Variants in PCDHA1 observed in about 807,000 individuals in gnomAD.
PCDHA1 encodes the protein protocadherin alpha 1.
A neutral mutation model predicts 61.3 loss-of-function variants in PCDHA1; 42 were observed. The observed-to-expected ratio is 0.69, with a 90% confidence interval of 0.54 to 0.89. PCDHA1 has a LOEUF of 0.89. PCDHA1 is among the 40% of genes least tolerant of loss of function. The pLI, the probability that PCDHA1 is intolerant of heterozygous loss-of-function variation, is 0.00. For synonymous variants in PCDHA1, 610 were observed against 553.8 expected, an observed-to-expected ratio of 1.10 and a Z score of -1.43; for missense variants, 1,256 against 1,235.3, an observed-to-expected ratio of 1.02 and a Z score of -0.25.
At chr5:140,893,088 T>C (rs1340937679) in intron 1 of PCDHA1, among the ~76,000 whole-genome samples, 2 of 152,372 alleles carry the variant, frequency 1.3e-5, no homozygotes, top group African/African-American at 4.8e-5. Flanking sequence ...CATTCTTTTT[T>C]ATGGCTGGAT....
chr5:140,865,412 A>C (rs1347341740), intron 1 of PCDHA1: 2 of 152,242 alleles, frequency 1.3e-5, no homozygotes, highest in Non-Finnish European at 2.9e-5. Context: ...AAAAGGAATT[A>C]GTAGTGTCTA....
chr5:140,858,149 G>T, intron 1 of PCDHA1: 1 of 1,597,572 alleles, frequency 6.3e-7, no homozygotes, highest in Non-Finnish European at 8.6e-7. Flanking sequence ...CCTGATCATC[G>T]CCATCTGCGC....
chr5:140,796,634 A>G, intron 1 of PCDHA1: 1 of 1,613,762 alleles, frequency 6.2e-7, no homozygotes, highest in Non-Finnish European at 8.5e-7. Context: ...TTCGTGCTGG[A>G]CGAGAACGAC....
Position 140,968,070 on chromosome 5 carries a change from A to G in PCDHA1, c.2395-10879A>G, listed in dbSNP as rs377189542. On this transcript the variant is annotated intron_variant, in intron 1 of 3. Transcript: ENST00000504120. The stretch of plus-strand genomic sequence containing the variant: ...CTGGACCGAGAGCGGGTGGCTGTCT[A>G]CAACATCACGGTGACAGCCACAGAT... 3.5e-5 allele frequency: 57 copies of G among 1,614,034 alleles called. No homozygotes were observed. The highest frequency in any genetic ancestry group is 1.6e-4 in the Middle Eastern group (1 of 6,082).
At chr5:140,796,909 G>T (rs782163071) in intron 1 of PCDHA1, 3 of 1,613,930 alleles carry the variant, frequency 1.9e-6, no homozygotes, top group Admixed American at 3.3e-5. Context: ...CCGCCTACTC[G>T]TGCTGGTGAA....
intron 1 of PCDHA1, chr5:140,927,303 G>T: frequency 6.2e-7 from 1 of 1,614,150 alleles, no homozygotes. Flanking sequence ...CCGAGTTCCT[G>T]ACGCCCGGAG....
At chr5:140,859,474 T>A (rs1282422046) in intron 1 of PCDHA1, 1 of 210,268 alleles carries the variant, frequency 4.8e-6, no homozygotes, top group East Asian at 1.7e-4. Flanking sequence ...CTATCAATTG[T>A]GTTTTCCTGA....
At position 140,852,588 on chromosome 5, in the gene PCDHA1, T is replaced by G. The variant is rs2150519378; in HGVS notation, c.2394+63904T>G. 150 of 881,406 alleles carry G rather than the reference T, an allele frequency of 1.7e-4. 16 individuals are homozygous for G. The highest frequency in any genetic ancestry group is 2.0e-4 in the Non-Finnish European group (145 of 723,694). 54.6% of individuals were successfully genotyped at this position (881,406 alleles called of 1,614,324 possible). A position where few individuals can be genotyped will look rare whatever the true frequency, so the allele number is the denominator to read the frequency against. On this transcript the variant is annotated intron_variant, in intron 1 of 3. Transcript: ENST00000504120. ...ACTGTGCCAAGGCTTTTTTATTTTT[T>G]TTTTTTGTCATTTTCTTTCAAAACT...
At chr5:141,002,474 C>T (rs141241701) in intron 3 of PCDHA1, among the ~76,000 whole-genome samples, 65 of 152,334 alleles carry the variant, frequency 4.3e-4, no homozygotes, top group African/African-American at 1.3e-3. Flanking sequence ...TTAGCATTTT[C>T]AAAGGATGAC....
chr5:140,804,302 C>T (rs1217838425), intron 1 of PCDHA1: 6 of 151,992 alleles, frequency 3.9e-5, no homozygotes, highest in African/African-American at 7.2e-5. Flanking sequence ...TAGTTTATCA[C>T]TACTTTATTT....
At chr5:140,839,135 A>C (rs1378372841) in intron 1 of PCDHA1, among the ~76,000 whole-genome samples, 3 of 148,212 alleles carry the variant, frequency 2.0e-5, no homozygotes, top group African/African-American at 5.1e-5. Flanking sequence ...CATTCACATA[A>C]GCAGACCAAG....
chr5:140,793,307 A>T (rs1015059410), intron 1 of PCDHA1, among the ~76,000 whole-genome samples: 1 of 152,256 alleles, frequency 6.6e-6, no homozygotes, highest in African/African-American at 2.4e-5. Flanking sequence ...GTCTGAAACC[A>T]GTAATTAATT....
At chr5:140,912,578 A>G (rs2075983045) in intron 1 of PCDHA1, among the ~76,000 whole-genome samples, 1 of 152,052 alleles carries the variant, frequency 6.6e-6, no homozygotes, top group Admixed American at 6.5e-5. Context: ...CCTCTTTTCC[A>G]ATTTGGATGC....
intron 1 of PCDHA1, chr5:140,834,737 T>C (rs2150225179): frequency 1.9e-6 from 3 of 1,614,230 alleles, no homozygotes; most frequent in African/African-American, 1.3e-5. Context: ...AGGTTTTCCA[T>C]GTGGACGTGG....
At chr5:140,884,181 A>G in intron 1 of PCDHA1, 1 of 1,613,332 alleles carries the variant, frequency 6.2e-7, no homozygotes, top group Non-Finnish European at 8.5e-7. Context: ...CGCCCTCTGG[A>G]CGAGGTGGAC....
chr5:140,940,509 C>T lies in PCDHA1; in HGVS notation c.2395-38440C>T, dbSNP rs556405860. ...GACAAGTCTTGCTCCGTCGCTCAGG[C>T]GTGATCATAGCTCACTGCAATCTTG... On this transcript the variant is annotated intron_variant, in intron 1 of 3. Coordinates refer to ENST00000504120, the MANE Select transcript of PCDHA1 (RefSeq NM_018900.4). 2.0e-5 allele frequency among the ~76,000 whole-genome samples: 3 copies of T among 152,086 alleles called. No individual in the cohort carries two copies. In the South Asian group the frequency reaches 6.2e-4, roughly 32 times the overall value.
At chr5:140,795,053 A>G (rs781966168) in intron 1 of PCDHA1, 24 of 1,613,758 alleles carry the variant, frequency 1.5e-5, no homozygotes, top group Non-Finnish European at 1.9e-5. Context: ...GGGAGCGGCC[A>G]GCTCCGCTAC....
chr5:140,805,002 A>T, intron 1 of PCDHA1: 2 of 1,535,512 alleles, frequency 1.3e-6, no homozygotes, highest in Non-Finnish European at 1.7e-6. Flanking sequence ...TTAAAAATTT[A>T]GTTCTGTTAT....
intron 1 of PCDHA1, among the ~76,000 whole-genome samples, chr5:140,914,155 A>G (rs1432406316): frequency 6.6e-6 from 1 of 152,188 alleles, no homozygotes; most frequent in Admixed American, 6.5e-5. Flanking sequence ...GTTCTGTCCA[A>G]TACGGAAAGT....
Sources: gnomAD v4.1 joint callset for allele counts (sites outside exome capture counted in the v4.1 genomes callset) on GRCh38, gnomAD v4.1.1 for gene constraint, MANE v1.5 for transcripts, NCBI Gene and HGNC (gene_info 2026-07-23, HGNC 2026-07-21) for gene names.